The following ADORA2B variants were observed in gnomAD, a reference collection of about 807,000 sequenced individuals.
ADORA2B encodes the protein adenosine receptor A2b.
ADORA2B carries 18 observed loss-of-function variants against 20.8 expected under a neutral mutation model. That is an observed-to-expected ratio of 0.87 (90% confidence interval 0.60 to 1.29). ADORA2B has a LOEUF of 1.29. Among genes scored for constraint, ADORA2B ranks in the 50% most tolerant of loss-of-function variants. The pLI, the probability that ADORA2B is intolerant of heterozygous loss-of-function variation, is 0.00. For synonymous variants in ADORA2B, 179 were observed against 178.3 expected (o/e 1.00, Z -0.03); for missense variants, 441 against 422.7 (o/e 1.04, Z -0.38).
the ADORA2B span, among the ~76,000 whole-genome samples, chr17:15,867,374 G>A: frequency 6.6e-6 from 1 of 151,954 alleles, no homozygotes; most frequent in Non-Finnish European, 1.5e-5. Flanking sequence ...CGTCTGAGAT[G>A]TGGGGAGCTC....
Position 15,974,868 on chromosome 17 carries a change from T to C in ADORA2B, c.525T>C (p.Asn175=), listed in dbSNP as rs758242619. 6.2e-7 allele frequency: 1 copy of C among 1,614,148 alleles called. No homozygotes were observed. ...SCCLVKCLFE[N]VVPMSYMVYF... ...GCCTTGTGAAGTGTCTCTTTGAGAA[T>C]GTGGTCCCCATGAGCTACATGGTAT... is the stretch of plus-strand genomic sequence containing the variant. Residue 175 remains asparagine (N), a synonymous_variant, in exon 2 of 2, where the codon AAT becomes AAC. Coordinates refer to ENST00000304222, the MANE Select transcript of ADORA2B (RefSeq NM_000676.4).
At chr17:15,887,750 A>G in the ADORA2B span, among the ~76,000 whole-genome samples, 1 of 125,780 alleles carries the variant, frequency 8.0e-6, no homozygotes, top group African/African-American at 3.5e-5. Flanking sequence ...GATTGAGACC[A>G]TCCTGGCTAA....
At chr17:15,965,047 T>C (rs1007990924) in intron 1 of ADORA2B, among the ~76,000 whole-genome samples, 1 of 149,004 alleles carries the variant, frequency 6.7e-6, no homozygotes. Flanking sequence ...GCGACGGAGC[T>C]AGACTCTGTC....
chr17:15,941,496 G>T (rs988649491), upstream of ADORA2B, among the ~76,000 whole-genome samples: 18 of 152,258 alleles, frequency 1.2e-4, no homozygotes, highest in Admixed American at 7.8e-4. Flanking sequence ...GGGAGGCTGA[G>T]ATGGGAGGAT....
At chr17:15,873,595 A>G in the ADORA2B span, among the ~76,000 whole-genome samples, 191 of 152,360 alleles carry the variant, frequency 1.3e-3, 2 homozygotes, top group Non-Finnish European at 7.2e-4. Context: ...ATGAATAGAC[A>G]TTTCTCAAAA....
At chr17:15,948,651 G>A (rs984948128) in intron 1 of ADORA2B, among the ~76,000 whole-genome samples, 1 of 152,206 alleles carries the variant, frequency 6.6e-6, no homozygotes, top group Non-Finnish European at 1.5e-5. Flanking sequence ...GTCTCTGGCA[G>A]GGCTGAGGCC....
chr17:15,873,268 A>G, the ADORA2B span, among the ~76,000 whole-genome samples: 1 of 152,244 alleles, frequency 6.6e-6, no homozygotes, highest in Non-Finnish European at 1.5e-5. Context: ...AGACTTAAAT[A>G]TAAGACTTGA....
At chr17:15,894,674 CAGAT>C in the ADORA2B span, among the ~76,000 whole-genome samples, 1 of 152,114 alleles carries the variant, frequency 6.6e-6, no homozygotes, top group African/African-American at 2.4e-5. Flanking sequence ...GACTTAGTGA[CAGAT>C]TGGTTGTAGG....
intron 1 of ADORA2B, among the ~76,000 whole-genome samples, chr17:15,970,783 G>A (rs1970181442): frequency 1.3e-5 from 2 of 152,172 alleles, no homozygotes; most frequent in African/African-American, 4.8e-5. Context: ...GTGTCATCAA[G>A]GACCCAGGCT....
the ADORA2B span, among the ~76,000 whole-genome samples, chr17:15,860,264 C>T: frequency 6.6e-6 from 1 of 152,130 alleles, no homozygotes; most frequent in South Asian, 2.1e-4. Context: ...CGAATAAACC[C>T]CTTCCTTCTT....
the ADORA2B span, among the ~76,000 whole-genome samples, chr17:15,877,815 C>G: frequency 6.6e-5 from 10 of 152,076 alleles, no homozygotes; most frequent in Non-Finnish European, 8.8e-5. Context: ...CACCTCTTGC[C>G]ACAAATTTCC....
At chr17:15,942,336 C>T (rs2151588718), upstream of ADORA2B, among the ~76,000 whole-genome samples, 1 of 152,180 alleles carries the variant, frequency 6.6e-6, no homozygotes, top group Non-Finnish European at 1.5e-5. Context: ...CTGCTTTCCC[C>T]ATGTGACATG....
chr17:15,964,976 C>A (rs1390274459), intron 1 of ADORA2B, among the ~76,000 whole-genome samples: 2 of 152,154 alleles, frequency 1.3e-5, no homozygotes, highest in Non-Finnish European at 2.9e-5. Context: ...AGGAGAATGG[C>A]GTGAACCCGG....
the ADORA2B span, among the ~76,000 whole-genome samples, chr17:15,920,498 A>G: frequency 1.3e-5 from 2 of 152,134 alleles, no homozygotes; most frequent in Non-Finnish European, 2.9e-5. Context: ...TGAGGCGGGT[A>G]GATCACAAGG....
intron 1 of ADORA2B, among the ~76,000 whole-genome samples, chr17:15,948,449 C>T (rs527236974): frequency 1.4e-5 from 1 of 69,100 alleles, no homozygotes; most frequent in East Asian, 4.2e-4. Flanking sequence ...GCGTGTAGCT[C>T]CTGGGCTGGG....
At chr17:15,945,686 A>AG (rs927510577) in intron 1 of ADORA2B, 103 bp downstream of exon 1, 1 of 1,143,828 alleles carries the variant, frequency 8.7e-7, no homozygotes, top group African/African-American at 1.6e-5. Flanking sequence ...CAGACGGGCC[A>AG]GGCTGGGGGC....
upstream of ADORA2B, among the ~76,000 whole-genome samples, chr17:15,941,869 G>T (rs936500855): frequency 6.6e-6 from 1 of 151,966 alleles, no homozygotes; most frequent in Admixed American, 6.6e-5. Flanking sequence ...TGGACCCAGT[G>T]AGTCCAGCTC....
At chr17:15,943,417 C>T (rs1453719552), upstream of ADORA2B, among the ~76,000 whole-genome samples, 1 of 152,160 alleles carries the variant, frequency 6.6e-6, no homozygotes, top group Non-Finnish European at 1.5e-5. Context: ...GCCTCGAACC[C>T]CTGGCCTCAA....
intron 1 of ADORA2B, among the ~76,000 whole-genome samples, chr17:15,971,238 C>T (rs1326781415): frequency 6.6e-6 from 1 of 152,210 alleles, no homozygotes; most frequent in Non-Finnish European, 1.5e-5. Context: ...TGGGAGGCTT[C>T]CTTGTTATGC....
Sources: allele counts gnomAD v4.1 joint callset (sites outside exome capture counted in the v4.1 genomes callset), GRCh38; gene constraint gnomAD v4.1.1; transcripts MANE v1.5; gene names NCBI Gene and HGNC (gene_info 2026-07-23, HGNC 2026-07-21).